Variants in SLX4IP observed in about 807,000 individuals in gnomAD.
SLX4IP encodes SLX4 interacting protein, also known as protein SLX4IP.
A neutral mutation model predicts 32.9 loss-of-function variants in SLX4IP; 34 were observed. The observed-to-expected ratio is 1.03, with a 90% CI of 0.79 to 1.38. The LOEUF (loss-of-function observed/expected upper bound fraction) is 1.38. Ranked by LOEUF, SLX4IP falls within the 40% of genes most tolerant of loss-of-function variation. The pLI is 0.00. For missense variants in SLX4IP, 444 were observed against 479.0 expected (o/e 0.93, Z 0.68); for synonymous variants, 172 against 171.7 (o/e 1.00, Z -0.01).
chr20:10,582,612 G>A (rs977038078), intron 4 of SLX4IP, among the ~76,000 whole-genome samples: 2 of 151,708 alleles, frequency 1.3e-5, no homozygotes, highest in African/African-American at 4.8e-5. Flanking sequence ...TTTCAACTTG[G>A]GCCACTAGTT....
At chr20:10,449,200 A>C (rs1262392839) in intron 1 of SLX4IP, among the ~76,000 whole-genome samples, 1 of 152,248 alleles carries the variant, frequency 6.6e-6, no homozygotes, top group Non-Finnish European at 1.5e-5. Context: ...AGGTCTATGC[A>C]ACCGACTTTC....
At position 10,623,178 on chromosome 20, in the gene SLX4IP, A is replaced by G. The variant is rs368250100; in HGVS notation, c.1026A>G (p.Pro342=). The change falls in exon 8 of 8, where the codon CCA becomes CCG. Residue 342 remains proline, a synonymous_variant. Transcript: ENST00000334534. ...TGCCAGCTTCAGAGTTGTCAGATCC[A>G]GGGTTACTTTTGAAACAAGATTTGG... ...RVLPASELSD[P]GLLLKQDLAK... 2.9e-5 allele frequency: 47 copies of G among 1,614,116 alleles called. No individual in the cohort carries two copies. Among genetic ancestry groups the G allele is most frequent in the Non-Finnish European group, 3.8e-5 (45 of 1,180,048 alleles).
At chr20:10,608,673 CAAAAAAAA>C (rs560866110) in intron 6 of SLX4IP, among the ~76,000 whole-genome samples, 11 of 60,454 alleles carry the variant, frequency 1.8e-4, no homozygotes, top group African/African-American at 6.7e-4. Flanking sequence ...TACTCTGTCT[CAAAAAAAA>C]AAAAAAAAAA....
rs546005711 is a variant in SLX4IP at position 10,437,304 on chromosome 20, T to G, written c.-30+1851T>G. Among the ~76,000 whole-genome samples the G allele has an allele frequency of 2.0e-5, 3 of 152,308 alleles. No individual in the cohort carries two copies. The South Asian group carries it at 6.2e-4, about 32-fold the overall frequency. On this transcript the variant is annotated intron_variant, in intron 1 of 7. Transcript: ENST00000334534. ...TGCACCCAGCTGCCTTCTGTCTTTC[T>G]TTAATGAGAAGACTAAATCAAGAGT...
At chr20:10,541,459 G>A (rs992748552) in intron 2 of SLX4IP, among the ~76,000 whole-genome samples, 1 of 152,188 alleles carries the variant, frequency 6.6e-6, no homozygotes, top group Non-Finnish European at 1.5e-5. Flanking sequence ...AAGTGTCTAG[G>A]CTGTCCAATG....
At chr20:10,584,655 A>G (rs2066624564) in intron 4 of SLX4IP, among the ~76,000 whole-genome samples, 1 of 152,224 alleles carries the variant, frequency 6.6e-6, no homozygotes, top group Admixed American at 6.5e-5. Context: ...TATGGTTGGA[A>G]AAGACCTCAG....
chr20:10,511,548 T>C (rs2065807979), intron 2 of SLX4IP, among the ~76,000 whole-genome samples: 1 of 152,240 alleles, frequency 6.6e-6, no homozygotes, highest in South Asian at 2.1e-4. Flanking sequence ...TGTCCAGCTC[T>C]TCACCAGTAA....
chr20:10,605,555 CT>C (rs1226881909), intron 6 of SLX4IP, among the ~76,000 whole-genome samples: 1 of 152,300 alleles, frequency 6.6e-6, no homozygotes, highest in South Asian at 2.1e-4. Flanking sequence ...CCCAGCCCTA[CT>C]TTTTTTACTT....
chr20:10,622,620 C>T (rs1359858591), intron 7 of SLX4IP, 39 bp from the exon 8 acceptor site: 6 of 1,561,422 alleles, frequency 3.8e-6, no homozygotes, highest in Admixed American at 1.7e-5. Flanking sequence ...AGTGCAGTGA[C>T]AGCTTTACAA....
At chr20:10,567,872 A>G (rs1377362484) in intron 4 of SLX4IP, among the ~76,000 whole-genome samples, 1 of 152,162 alleles carries the variant, frequency 6.6e-6, no homozygotes, top group African/African-American at 2.4e-5. Flanking sequence ...TTATATCATC[A>G]CATTCATTCA....
chr20:10,550,183 C>T (rs960549549), intron 2 of SLX4IP, among the ~76,000 whole-genome samples: 1 of 152,198 alleles, frequency 6.6e-6, no homozygotes, highest in African/African-American at 2.4e-5. Context: ...GAATTTCGTG[C>T]AGGCCTATCA....
chr20:10,464,324 A>G (rs2065362876), intron 2 of SLX4IP, among the ~76,000 whole-genome samples: 1 of 152,088 alleles, frequency 6.6e-6, no homozygotes, highest in South Asian at 2.1e-4. Context: ...ACCCAGCTTG[A>G]GACCTCACTT....
chr20:10,603,811 T>G (rs2066870804), intron 6 of SLX4IP, among the ~76,000 whole-genome samples: 1 of 152,170 alleles, frequency 6.6e-6, no homozygotes, highest in African/African-American at 2.4e-5. Flanking sequence ...CTGTTGTTAC[T>G]AGAAGCAATA....
At chr20:10,510,579 GTTATTATTA>G (rs949994949) in intron 2 of SLX4IP, among the ~76,000 whole-genome samples, 1 of 149,488 alleles carries the variant, frequency 6.7e-6, no homozygotes, top group Non-Finnish European at 1.5e-5. Context: ...AATTATTGTT[GTTATTATTA>G]TTATTATTAT....
chr20:10,541,405 A>G (rs2066104755), intron 2 of SLX4IP, among the ~76,000 whole-genome samples: 1 of 152,192 alleles, frequency 6.6e-6, no homozygotes, highest in Non-Finnish European at 1.5e-5. Flanking sequence ...GTCTCTCACT[A>G]AAATAATAGA....
chr20:10,549,405 G>A (rs2066196338), intron 2 of SLX4IP, among the ~76,000 whole-genome samples: 1 of 152,220 alleles, frequency 6.6e-6, no homozygotes, highest in African/African-American at 2.4e-5. Flanking sequence ...GCTGCCCAGG[G>A]AAAGGAGCTG....
chr20:10,535,769 A>G (rs925546551), intron 2 of SLX4IP, among the ~76,000 whole-genome samples: 1 of 152,238 alleles, frequency 6.6e-6, no homozygotes, highest in Admixed American at 6.5e-5. Context: ...CCCTTCACCC[A>G]GGTGTTCACT....
chr20:10,440,072 A>G (rs186660621), intron 1 of SLX4IP, among the ~76,000 whole-genome samples: 1 of 152,288 alleles, frequency 6.6e-6, no homozygotes, highest in Admixed American at 6.5e-5. Flanking sequence ...GGCTATTACA[A>G]TATCGTGGAC....
chr20:10,575,928 GT>G (rs2066518604), intron 4 of SLX4IP, among the ~76,000 whole-genome samples: 1 of 152,142 alleles, frequency 6.6e-6, no homozygotes, highest in Non-Finnish European at 1.5e-5. Flanking sequence ...ATTTTGAAGT[GT>G]TTGAAGGATG....
Sources: gnomAD v4.1 joint callset for allele counts (sites outside exome capture counted in the v4.1 genomes callset) on GRCh38, gnomAD v4.1.1 for gene constraint, MANE v1.5 for transcripts, NCBI Gene and HGNC (gene_info 2026-07-23, HGNC 2026-07-21) for gene names.